Variants in ATP2B4 observed in about 807,000 individuals in gnomAD.
The protein encoded by ATP2B4 is plasma membrane calcium-transporting ATPase 4.
ATP2B4 carries 39 observed loss-of-function variants against 110.3 expected under a neutral mutation model. The ratio of observed to expected loss-of-function variants is 0.35; its 90% CI spans 0.27 to 0.46. The LOEUF (loss-of-function observed/expected upper bound fraction) is 0.46. Among genes scored for constraint, ATP2B4 ranks in the 20% least tolerant of loss-of-function variants. The pLI, the probability that ATP2B4 is intolerant of heterozygous loss-of-function variation, is 1.00. For missense variants in ATP2B4, 1,135 were observed against 1,530.9 expected (o/e 0.74, Z 4.32); for synonymous variants, 538 against 571.7 (o/e 0.94, Z 0.84).
rs202170011 is a variant in ATP2B4, at chr1:203,721,280, C to G, written c.2682C>G (p.Pro894=). The change falls in exon 17 of 21, where the codon CCC becomes CCG. Residue 894 remains proline, a synonymous_variant. Transcript: ENST00000357681. ...CTTCATTGGCCCTGGCCACAGAGCC[C>G]CCTACGGAATCTCTGTTGAAGCGGC... The part of the protein sequence containing the change: ...TFASLALATE[P]PTESLLKRRP... 14 of 1,614,068 alleles carry G rather than the reference C, an allele frequency of 8.7e-6. No homozygotes were observed. In the Admixed American group the frequency reaches 2.3e-4, roughly 27 times the overall value.
chr1:203,698,714 C>T (rs748069570), intron 3 of ATP2B4, among the ~76,000 whole-genome samples: 11 of 152,000 alleles, frequency 7.2e-5, no homozygotes, highest in Non-Finnish European at 1.5e-4. Context: ...TTAATCTGGG[C>T]TCACTGCAAC....
rs182061569 is a variant in ATP2B4, at chr1:203,668,142, A to G, written c.-464-14600A>G. ...GTTGGATTTTAGCATCCATATGTCT[A>G]TTCCCCACCATGCTCTGTAGGCTCA... On this transcript the variant is annotated intron_variant, in intron 1 of 20. Coordinates refer to ENST00000357681, the MANE Select transcript of ATP2B4 (RefSeq NM_001684.5). Among the ~76,000 whole-genome samples the G allele has an allele frequency of 1.1e-4, 16 of 152,294 alleles. No individual in the cohort carries two copies. In the East Asian group the frequency reaches 3.1e-3, roughly 29 times the overall value.
At chr1:203,689,805 A>G (rs1019190690) in intron 2 of ATP2B4, among the ~76,000 whole-genome samples, 7 of 152,238 alleles carry the variant, frequency 4.6e-5, no homozygotes, top group African/African-American at 1.7e-4. Context: ...TAGGGCTTCG[A>G]TGAGGAAGAG....
chr1:203,680,847 T>C (rs1479057778), intron 1 of ATP2B4, among the ~76,000 whole-genome samples: 1 of 152,178 alleles, frequency 6.6e-6, no homozygotes, highest in African/African-American at 2.4e-5. Context: ...GCAAACATTG[T>C]AGTGGGTGAA....
intron 1 of ATP2B4, among the ~76,000 whole-genome samples, chr1:203,654,195 G>A (rs186504684): frequency 6.6e-6 from 1 of 151,860 alleles, no homozygotes; most frequent in African/African-American, 2.4e-5. Context: ...TATTGGTCAG[G>A]CTGGTCTCGA....
chr1:203,719,434 G>A (rs1234383118), intron 15 of ATP2B4, among the ~76,000 whole-genome samples: 4 of 151,910 alleles, frequency 2.6e-5, no homozygotes, highest in Admixed American at 1.3e-4. Flanking sequence ...TGCAGTCTGG[G>A]CACGGTGGCA....
intron 1 of ATP2B4, among the ~76,000 whole-genome samples, chr1:203,627,736 T>A (rs1443761402): frequency 2.0e-5 from 3 of 149,108 alleles, no homozygotes; most frequent in Non-Finnish European, 3.0e-5. Flanking sequence ...CAGCGGGAAC[T>A]AGGAGAGGGG....
chr1:203,646,516 C>A (rs1393608944), intron 1 of ATP2B4, among the ~76,000 whole-genome samples: 2 of 152,196 alleles, frequency 1.3e-5, no homozygotes, highest in African/African-American at 4.8e-5. Context: ...GTAATCCCAG[C>A]ACCTTGGGAG....
At chr1:203,699,764 T>C in intron 4 of ATP2B4, 47 bp downstream of exon 4, 1 of 1,606,332 alleles carries the variant, frequency 6.2e-7, no homozygotes, top group South Asian at 1.1e-5. Context: ...CACCCCCATT[T>C]AAGGGATAGG....
chr1:203,647,550 A>G (rs1343673875), intron 1 of ATP2B4, among the ~76,000 whole-genome samples: 1 of 152,160 alleles, frequency 6.6e-6, no homozygotes. Flanking sequence ...CTTGATCCCA[A>G]GAGTTCGAGA....
chr1:203,665,815 A>AAAAT (rs66533343), intron 1 of ATP2B4, among the ~76,000 whole-genome samples: 1 of 151,242 alleles, frequency 6.6e-6, no homozygotes, highest in Non-Finnish European at 1.5e-5. Context: ...AAAAAAAAAA[A>AAAAT]ATTGTGTAGC....
intron 1 of ATP2B4, among the ~76,000 whole-genome samples, chr1:203,649,508 T>G (rs1281243248): frequency 6.6e-6 from 1 of 152,192 alleles, no homozygotes; most frequent in Non-Finnish European, 1.5e-5. Context: ...GTGGGCGTAG[T>G]GGTTCACGCC....
chr1:203,677,760 G>A (rs1297624898), intron 1 of ATP2B4, among the ~76,000 whole-genome samples: 4 of 152,130 alleles, frequency 2.6e-5, no homozygotes, highest in Non-Finnish European at 4.4e-5. Context: ...CACCGCACCC[G>A]GCCCTGAAGC....
At chr1:203,658,206 T>C (rs1453757484) in intron 1 of ATP2B4, among the ~76,000 whole-genome samples, 3 of 151,992 alleles carry the variant, frequency 2.0e-5, no homozygotes, top group Non-Finnish European at 2.9e-5. Flanking sequence ...ATGCCTGTAC[T>C]AAAAGGAAAG....
intron 20 of ATP2B4, chr1:203,733,604 T>G (rs1666797389): frequency 4.0e-6 from 2 of 505,674 alleles, no homozygotes; most frequent in African/African-American, 3.9e-5. Context: ...AGAAAAGCTA[T>G]TAAACCTTAA....
intron 1 of ATP2B4, among the ~76,000 whole-genome samples, chr1:203,652,289 A>G (rs538116689): frequency 6.6e-6 from 1 of 151,642 alleles, no homozygotes; most frequent in Non-Finnish European, 1.5e-5. Context: ...AAATTCAGGC[A>G]CGCGCCTCCA....
intron 15 of ATP2B4, among the ~76,000 whole-genome samples, chr1:203,717,875 C>T (rs565396583): frequency 7.5e-4 from 114 of 152,072 alleles, no homozygotes; most frequent in Middle Eastern, 3.4e-3. Context: ...AACTCCTGAC[C>T]GCAAGTGATC....
chr1:203,739,471 C>A, intron 20 of ATP2B4, 75 bp from the exon 21 acceptor site: 1 of 1,454,590 alleles, frequency 6.9e-7, no homozygotes, highest in Non-Finnish European at 9.4e-7. Context: ...TCTCCTAAAT[C>A]CACCATCTCC....
chr1:203,666,686 T>C (rs1461910149), intron 1 of ATP2B4, among the ~76,000 whole-genome samples: 1 of 152,136 alleles, frequency 6.6e-6, no homozygotes, highest in African/African-American at 2.4e-5. Context: ...CCAGGAAAAA[T>C]TGAACTCTCA....
Sources: gnomAD v4.1 joint callset for allele counts (sites outside exome capture counted in the v4.1 genomes callset) on GRCh38, gnomAD v4.1.1 for gene constraint, MANE v1.5 for transcripts, NCBI Gene and HGNC (gene_info 2026-07-23, HGNC 2026-07-21) for gene names.